Variants in SLC39A11 observed in about 807,000 individuals in gnomAD.
SLC39A11 encodes the protein zinc transporter ZIP11.
A neutral mutation model predicts 36.1 loss-of-function variants in SLC39A11; 33 were observed. That is an observed-to-expected ratio of 0.91 (90% CI 0.69 to 1.22). The LOEUF (loss-of-function observed/expected upper bound fraction) is 1.22. Among genes scored for constraint, SLC39A11 ranks in the 50% most tolerant of loss-of-function variants. The pLI, the probability that SLC39A11 is intolerant of heterozygous loss-of-function variation, is 0.00. For missense variants in SLC39A11, 432 were observed against 430.3 expected (o/e 1.00, Z -0.03); for synonymous variants, 166 against 170.3 (o/e 0.97, Z 0.20).
intron 7 of SLC39A11, among the ~76,000 whole-genome samples, chr17:72,728,110 A>AG (rs1341836988): frequency 6.6e-6 from 1 of 152,218 alleles, no homozygotes; most frequent in East Asian, 1.9e-4. Context: ...TGGGCTAAAA[A>AG]CAGGGATTGT....
At chr17:72,878,265 G>A (rs377024821) in intron 5 of SLC39A11, among the ~76,000 whole-genome samples, 9 of 152,134 alleles carry the variant, frequency 5.9e-5, no homozygotes, top group African/African-American at 2.2e-4. Context: ...GAGGGACCTT[G>A]ACTCTGTCAA....
intron 4 of SLC39A11, among the ~76,000 whole-genome samples, chr17:72,954,035 T>G (rs769560173): frequency 6.6e-6 from 1 of 152,192 alleles, no homozygotes; most frequent in Non-Finnish European, 1.5e-5. Flanking sequence ...GTCTCTTCGT[T>G]TTTTTAAATT....
At chr17:72,675,581 C>A (rs1287739566) in intron 7 of SLC39A11, among the ~76,000 whole-genome samples, 1 of 152,224 alleles carries the variant, frequency 6.6e-6, no homozygotes, top group East Asian at 1.9e-4. Flanking sequence ...TAGCTGCCAA[C>A]AGGCTGAGCA....
chr17:72,820,050 A>T lies in SLC39A11; in HGVS notation c.601+29584T>A, dbSNP rs79406922. Among the ~76,000 whole-genome samples, 521 of 151,304 alleles carry T rather than the reference A, an allele frequency of 3.4e-3. 23 individuals are homozygous for T. Among genetic ancestry groups the T allele is most frequent in the Middle Eastern group, 0.027 (8 of 294 alleles). ...GCACAGGCACAAAGGCTTCCTTCCGATTGACAACGAGCACGCCAAAGCCAG... is the reference window on the plus strand; with the variant it reads ...GCACAGGCACAAAGGCTTCCTTCCGTTTGACAACGAGCACGCCAAAGCCAG... On this transcript the variant is annotated intron_variant, in intron 6 of 9. Transcript: ENST00000255559.
chr17:72,930,751 G>A (rs999006802), intron 5 of SLC39A11, among the ~76,000 whole-genome samples: 4 of 152,172 alleles, frequency 2.6e-5, no homozygotes, highest in Admixed American at 2.6e-4. Flanking sequence ...CATCCTGAAT[G>A]TATGGTGGGG....
intron 7 of SLC39A11, among the ~76,000 whole-genome samples, chr17:72,689,662 C>T (rs558243218): frequency 6.6e-6 from 1 of 152,306 alleles, no homozygotes; most frequent in Non-Finnish European, 1.5e-5. Flanking sequence ...ACCTCAAAAA[C>T]ATCCATGCTA....
At chr17:72,842,680 A>G (rs892295451) in intron 6 of SLC39A11, among the ~76,000 whole-genome samples, 6 of 152,160 alleles carry the variant, frequency 3.9e-5, no homozygotes, top group African/African-American at 1.4e-4. Flanking sequence ...TTGGTTTTCT[A>G]AAAAACCATG....
chr17:72,826,561 C>G (rs2145637841), intron 6 of SLC39A11, among the ~76,000 whole-genome samples: 1 of 152,278 alleles, frequency 6.6e-6, no homozygotes, highest in East Asian at 1.9e-4. Context: ...AATCAGGAGT[C>G]TGTAGATCCA....
At chr17:72,954,597 C>A (rs183017378) in intron 4 of SLC39A11, among the ~76,000 whole-genome samples, 1 of 152,212 alleles carries the variant, frequency 6.6e-6, no homozygotes, top group Non-Finnish European at 1.5e-5. Flanking sequence ...CACAAGGCAA[C>A]GTTCAATAAT....
intron 5 of SLC39A11, among the ~76,000 whole-genome samples, chr17:72,905,915 G>C (rs549361872): frequency 6.6e-6 from 1 of 152,072 alleles, no homozygotes; most frequent in Admixed American, 6.5e-5. Context: ...CACCACGCCC[G>C]GCTAATGTTT....
intron 4 of SLC39A11, among the ~76,000 whole-genome samples, chr17:72,955,602 C>A (rs575778649): frequency 1.4e-4 from 22 of 152,030 alleles, no homozygotes; most frequent in African/African-American, 5.1e-4. Flanking sequence ...AGCCGCAGCG[C>A]CCAGCTGACT....
intron 4 of SLC39A11, among the ~76,000 whole-genome samples, chr17:72,985,123 C>A (rs191542479): frequency 6.6e-6 from 1 of 152,112 alleles, no homozygotes; most frequent in East Asian, 1.9e-4. Context: ...GCACACTCCA[C>A]GTGGCTGACG....
intron 6 of SLC39A11, among the ~76,000 whole-genome samples, chr17:72,758,810 C>A (rs1260043691): frequency 6.6e-6 from 1 of 152,246 alleles, no homozygotes; most frequent in Non-Finnish European, 1.5e-5. Flanking sequence ...TTGATACTTG[C>A]AGCCAGAGTG....
rs922918461 is a variant in SLC39A11 at position 72,838,690 on chromosome 17, T to C, written c.601+10944A>G. ...GATGAGAAAATGCCACACAATAAAG[T>C]TGCTTGAGAAAGAGAGAGATTGAGC... On this transcript the variant is annotated intron_variant, in intron 6 of 9. Transcript: ENST00000255559. 2.6e-5 allele frequency among the ~76,000 whole-genome samples: 4 copies of C among 152,142 alleles called. No individual in the cohort carries two copies. In the East Asian group the frequency reaches 5.8e-4, roughly 22 times the overall value.
chr17:72,802,349 G>A (rs1218501498), intron 6 of SLC39A11, among the ~76,000 whole-genome samples: 2 of 152,098 alleles, frequency 1.3e-5, no homozygotes, highest in African/African-American at 4.8e-5. Context: ...TAACACTTTG[G>A]GAGGCTGAGG....
chr17:72,787,403 G>A lies in SLC39A11; in HGVS notation c.602-50684C>T, dbSNP rs1385725182. ...CTCCCGAGTAGCTGGGACTACAGGC[G>A]CCTGCCACCACGCCCGGCTAATTTT... is the stretch of plus-strand genomic sequence containing the variant. On this transcript the variant is annotated intron_variant, in intron 6 of 9. Transcript: ENST00000255559. Among the ~76,000 whole-genome samples, 6 of 151,758 alleles carry A rather than the reference G, an allele frequency of 4.0e-5. No individual in the cohort carries two copies. In the East Asian group the frequency reaches 9.7e-4, roughly 25 times the overall value.
intron 6 of SLC39A11, among the ~76,000 whole-genome samples, chr17:72,749,936 G>A (rs1401802695): frequency 6.6e-6 from 1 of 152,150 alleles, no homozygotes; most frequent in African/African-American, 2.4e-5. Context: ...CCTCCTGGCT[G>A]GGAAGGCCTG....
rs56036208 is a variant in SLC39A11 at position 72,949,144 on chromosome 17, C to CTTTTTTTTTTTTTTTTTTTTTTTTTTTT, written c.307-1297_307-1270dup. Among the ~76,000 whole-genome samples, 8 of 36,508 alleles carry CTTTTTTTTTTTTTTTTTTTTTTTTTTTT rather than the reference C, an allele frequency of 2.2e-4. 3 individuals are homozygous for CTTTTTTTTTTTTTTTTTTTTTTTTTTTT. The highest frequency in any genetic ancestry group is 2.3e-3 in the East Asian group (2 of 866). The allele number at this position is 36,508 out of a possible 152,430, so 24.0% of individuals were successfully genotyped here. A position where few individuals can be genotyped will look rare whatever the true frequency, so the allele number is the denominator to read the frequency against. ...AAATAAAATACCATACACTGGGCAG[C>CTTTTTTTTTTTTTTTTTTTTTTTTTTTT]TTTTTTTTTTTTTTTTTTTTTTTTT... On this transcript the variant is annotated intron_variant, in intron 4 of 9. Transcript: ENST00000255559.
At chr17:72,707,928 A>C (rs2072957507) in intron 7 of SLC39A11, among the ~76,000 whole-genome samples, 1 of 152,252 alleles carries the variant, frequency 6.6e-6, no homozygotes, top group South Asian at 2.1e-4. Flanking sequence ...ATAGAATTTA[A>C]AGATAAACAC....
Sources: gnomAD v4.1 joint callset for allele counts (sites outside exome capture counted in the v4.1 genomes callset) on GRCh38, gnomAD v4.1.1 for gene constraint, MANE v1.5 for transcripts, NCBI Gene and HGNC (gene_info 2026-07-23, HGNC 2026-07-21) for gene names.